Variants in CRISPLD2 observed in about 807,000 individuals in gnomAD.
CRISPLD2 encodes the protein cysteine rich secretory protein LCCL domain containing 2.
A neutral mutation model predicts 71.1 loss-of-function variants in CRISPLD2; 47 were observed. That is an observed-to-expected ratio of 0.66 (90% CI 0.52 to 0.84). CRISPLD2 has a LOEUF of 0.84. CRISPLD2 is among the 40% of genes least tolerant of loss of function. The pLI is 0.00. For synonymous variants in CRISPLD2, 317 were observed against 250.1 expected, an observed-to-expected ratio of 1.27 and a Z score of -2.52; for missense variants, 830 against 651.1, an observed-to-expected ratio of 1.27 and a Z score of -2.99.
At chr16:84,875,414 CTTTTTTT>C (rs34028519) in intron 11 of CRISPLD2, among the ~76,000 whole-genome samples, 8 of 87,784 alleles carry the variant, frequency 9.1e-5, no homozygotes, top group South Asian at 3.8e-4. Context: ...TATGCATGGA[CTTTTTTT>C]TTTTTTTTTT....
chr16:84,872,359 A>G (rs571367690), intron 8 of CRISPLD2, 83 bp from the exon 9 acceptor site: 24 of 1,118,784 alleles, frequency 2.1e-5, no homozygotes, highest in Non-Finnish European at 2.6e-5. Flanking sequence ...TAATAGAGCC[A>G]TCGATGAAAA....
intron 13 of CRISPLD2, 100 bp from the exon 14 acceptor site, chr16:84,889,130 C>A: frequency 6.6e-7 from 1 of 1,506,714 alleles, no homozygotes; most frequent in Non-Finnish European, 9.2e-7. Context: ...GTCCACATCC[C>A]ACCAGCCAGG....
intron 10 of CRISPLD2, chr16:84,873,503 C>CAAAAAAAAAAAAAAAAAAAAAAAAAA (rs1333411767): frequency 2.3e-5 from 2 of 88,668 alleles, no homozygotes; most frequent in Non-Finnish European, 2.0e-5. Context: ...AAAACAACAA[C>CAAAAAAAAAAAAAAAAAAAAAAAAAA]AACAAAAAAA....
At chr16:84,879,397 T>C (rs1332558674) in intron 12 of CRISPLD2, among the ~76,000 whole-genome samples, 2 of 150,466 alleles carry the variant, frequency 1.3e-5, no homozygotes, top group African/African-American at 4.9e-5. Context: ...AGCTTCGCTC[T>C]TGTTGCCCAG....
intron 14 of CRISPLD2, among the ~76,000 whole-genome samples, chr16:84,894,522 C>G (rs1450680154): frequency 6.6e-6 from 1 of 152,132 alleles, no homozygotes; most frequent in Non-Finnish European, 1.5e-5. Context: ...CTGCCGGGAA[C>G]AGAAGAGAGA....
intron 3 of CRISPLD2, among the ~76,000 whole-genome samples, chr16:84,847,417 C>CG: frequency 6.6e-6 from 1 of 152,192 alleles, no homozygotes; most frequent in South Asian, 2.1e-4. Flanking sequence ...TTTGGGAGGC[C>CG]AAGGTGGGCA....
chr16:84,844,958 G>A (rs537623447), intron 2 of CRISPLD2, among the ~76,000 whole-genome samples: 10 of 152,272 alleles, frequency 6.6e-5, no homozygotes, highest in East Asian at 1.9e-4. Context: ...GGGTAACTGC[G>A]TGCCTAGGTT....
At position 84,845,865 on chromosome 16, in the gene CRISPLD2, T is replaced by A. The variant is rs1351980707; in HGVS notation, c.320T>A (p.Leu107Gln). Residue 107 changes from leucine (L) to glutamine (Q), a missense_variant, in exon 3 of 15, where the codon CTG becomes CAG. Physicochemically the swap from Leu to Gln is moderately radical, Grantham distance 113 (BLOSUM62 -2). Coordinates refer to ENST00000262424, the MANE Select transcript of CRISPLD2 (RefSeq NM_031476.4). ...CIWEHGPTSL[L>Q]VSIGQNLGAH... is the part of the protein sequence containing the mutation. ...TGGGAGCACGGGCCCACCAGTCTGCTGGTGTCCATCGGGCAGAACCTGGGC... is the reference window on the plus strand; with the variant it reads ...TGGGAGCACGGGCCCACCAGTCTGCAGGTGTCCATCGGGCAGAACCTGGGC... 6.2e-7 allele frequency: 1 copy of A among 1,613,900 alleles called. No individual in the cohort carries two copies. The highest frequency in any genetic ancestry group is 1.3e-5 in the African/African-American group (1 of 74,930).
intron 14 of CRISPLD2, among the ~76,000 whole-genome samples, chr16:84,899,096 A>G (rs1279031909): frequency 6.6e-6 from 1 of 152,088 alleles, no homozygotes; most frequent in Admixed American, 6.5e-5. Context: ...TCACTGTGTC[A>G]CCCAGGCTGA....
rs181175067 is a variant in CRISPLD2 at position 84,862,758 on chromosome 16, G to T, written c.710-4139G>T. Among the ~76,000 whole-genome samples, 211 of 146,522 alleles carry T rather than the reference G, an allele frequency of 1.4e-3. 4 individuals carry two copies. The highest frequency in any genetic ancestry group is 5.2e-3 in the African/African-American group (204 of 39,214). ...CCTTGCAGAGACTTGGGTGGGCTCC[G>T]CTGGCAGGGAAGGGTGGGGTAGATG... On this transcript the variant is annotated intron_variant, in intron 6 of 14. Coordinates refer to ENST00000262424, the MANE Select transcript of CRISPLD2 (RefSeq NM_031476.4).
chr16:84,907,779 G>A lies in CRISPLD2; in HGVS notation c.*1137G>A, dbSNP rs1282509074. On this transcript the variant is annotated 3_prime_UTR_variant, in exon 15 of 15. Coordinates refer to ENST00000262424, the MANE Select transcript of CRISPLD2 (RefSeq NM_031476.4). ...ACCGTCTGTGGCCTCATGACAGCGA[G>A]AGATGGGAATACACTAGAAGGATCT... 1 of 152,190 alleles carries A rather than the reference G, an allele frequency of 6.6e-6. No homozygotes were observed. The highest frequency in any genetic ancestry group is 1.5e-5 in the Non-Finnish European group (1 of 68,050). The allele number at this position is 152,190 out of a possible 1,614,324, so 9.4% of individuals were successfully genotyped here. A position where few individuals can be genotyped will look rare whatever the true frequency, so the allele number is the denominator to read the frequency against.
intron 13 of CRISPLD2, among the ~76,000 whole-genome samples, chr16:84,881,437 C>G (rs1265746953): frequency 1.3e-5 from 2 of 152,168 alleles, no homozygotes; most frequent in Non-Finnish European, 2.9e-5. Flanking sequence ...TCTGTTCCCT[C>G]TGGTTGTCCA....
At chr16:84,820,771 C>T (rs1311796872) in intron 1 of CRISPLD2, among the ~76,000 whole-genome samples, 1 of 152,048 alleles carries the variant, frequency 6.6e-6, no homozygotes, top group Non-Finnish European at 1.5e-5. Context: ...TGTCAGGGTT[C>T]TGCAGTCTGG....
intron 7 of CRISPLD2, 63 bp downstream of exon 7, chr16:84,867,103 G>T: frequency 6.5e-7 from 1 of 1,548,546 alleles, no homozygotes; most frequent in East Asian, 2.3e-5. Context: ...GGACGGGGTG[G>T]GTGGAGGAGG....
rs372948361 is a variant in CRISPLD2, at chr16:84,883,969, G to A, written c.1305+3385G>A. Among the ~76,000 whole-genome samples, 15 of 150,616 alleles carry A rather than the reference G, an allele frequency of 1.0e-4. No individual in the cohort carries two copies. The East Asian group carries it at 1.4e-3, about 14-fold the overall frequency. ...AGCAATTCTCCTGTCCCAGCCTCCC[G>A]AGTAGCTGGGATTACAGGTGCCCGC... On this transcript the variant is annotated intron_variant, in intron 13 of 14. Transcript: ENST00000262424.
chr16:84,896,845 A>G (rs2071710786), intron 14 of CRISPLD2, among the ~76,000 whole-genome samples: 1 of 152,248 alleles, frequency 6.6e-6, no homozygotes, highest in Non-Finnish European at 1.5e-5. Context: ...TTTAAAAGCC[A>G]GAAGACTAAG....
At chr16:84,821,130 C>T (rs1331843384) in intron 1 of CRISPLD2, among the ~76,000 whole-genome samples, 1 of 152,212 alleles carries the variant, frequency 6.6e-6, no homozygotes, top group Non-Finnish European at 1.5e-5. Context: ...TGAGTTTCCC[C>T]TTTGGGCCTT....
At chr16:84,838,831 T>C in intron 2 of CRISPLD2, 96 bp downstream of exon 2, 2 of 1,437,648 alleles carry the variant, frequency 1.4e-6, no homozygotes, top group Non-Finnish European at 1.9e-6. Context: ...CCCCAGCCAG[T>C]GCGTGTGATG....
chr16:84,853,560 G>T (rs539371392), intron 5 of CRISPLD2, among the ~76,000 whole-genome samples: 1 of 152,216 alleles, frequency 6.6e-6, no homozygotes, highest in East Asian at 1.9e-4. Context: ...TGAGGCCAGG[G>T]TGCTTCTGGG....
Sources: gnomAD v4.1 joint callset for allele counts (sites outside exome capture counted in the v4.1 genomes callset) on GRCh38, gnomAD v4.1.1 for gene constraint, MANE v1.5 for transcripts, NCBI Gene and HGNC (gene_info 2026-07-23, HGNC 2026-07-21) for gene names.